Variants in RMND1 observed in about 807,000 individuals in gnomAD.
RMND1 encodes required for meiotic nuclear division 1 homolog, also known as required for meiotic nuclear division protein 1 homolog.
Under a neutral mutation model 54.0 loss-of-function variants are expected in RMND1, and 41 were observed. The observed-to-expected ratio is 0.76, with a 90% confidence interval of 0.59 to 0.98. RMND1 has a LOEUF of 0.98. RMND1 is among the 50% of genes least tolerant of loss of function. The pLI, the probability that RMND1 is intolerant of heterozygous loss-of-function variation, is 0.00. For missense variants in RMND1, 457 were observed against 532.0 expected, an observed-to-expected ratio of 0.86 and a Z score of 1.39; for synonymous variants, 183 against 181.7, an observed-to-expected ratio of 1.01 and a Z score of -0.06.
chr6:151,406,488 A>G (rs1779625596), intron 10 of RMND1, among the ~76,000 whole-genome samples: 1 of 151,892 alleles, frequency 6.6e-6, no homozygotes, highest in Non-Finnish European at 1.5e-5. Flanking sequence ...CAGCCTCCCA[A>G]ATAGCTGGGA....
At chr6:151,446,992 A>G (rs1780971294) in intron 1 of RMND1, among the ~76,000 whole-genome samples, 1 of 152,236 alleles carries the variant, frequency 6.6e-6, no homozygotes, top group South Asian at 2.1e-4. Flanking sequence ...CAATGATCTC[A>G]GAATTCAAAG....
chr6:151,424,202 T>G (rs1780229944), intron 6 of RMND1, among the ~76,000 whole-genome samples: 1 of 152,070 alleles, frequency 6.6e-6, no homozygotes. Context: ...GGCTCACGCC[T>G]GTAACCCCAG....
chr6:151,430,582 AT>A (rs1780423083), intron 4 of RMND1, among the ~76,000 whole-genome samples: 1 of 152,164 alleles, frequency 6.6e-6, no homozygotes, highest in African/African-American at 2.4e-5. Flanking sequence ...CTATGCCTGG[AT>A]TTTTGTGGAA....
intron 9 of RMND1, chr6:151,418,598 A>G (rs1455192020): frequency 6.6e-6 from 1 of 152,146 alleles, no homozygotes; most frequent in Non-Finnish European, 1.5e-5. Flanking sequence ...ATCAAGATAT[A>G]AACAGGTAAA....
At chr6:151,422,674 G>T in intron 7 of RMND1, 69 bp from the exon 8 acceptor site, 1 of 653,328 alleles carries the variant, frequency 1.5e-6, no homozygotes, top group Non-Finnish European at 2.6e-6. Flanking sequence ...ATACATAATT[G>T]CACAGCATCT....
intron 10 of RMND1, 59 bp downstream of exon 10, chr6:151,417,220 T>C (rs1780030661): frequency 6.5e-7 from 1 of 1,542,558 alleles, no homozygotes; most frequent in South Asian, 1.2e-5. Flanking sequence ...CAGTTAAACA[T>C]ATTCAACTTA....
At chr6:151,421,628 TAAAG>T (rs1780153286) in intron 8 of RMND1, among the ~76,000 whole-genome samples, 2 of 152,170 alleles carry the variant, frequency 1.3e-5, no homozygotes, top group Non-Finnish European at 2.9e-5. Context: ...TCTTTCACAA[TAAAG>T]ACACAGTTAA....
At chr6:151,434,843 G>A (rs1409294822) in intron 3 of RMND1, among the ~76,000 whole-genome samples, 1 of 152,044 alleles carries the variant, frequency 6.6e-6, no homozygotes, top group South Asian at 2.1e-4. Flanking sequence ...TTATCAAAAT[G>A]TTCTAAGTAA....
At chr6:151,449,454 C>G (rs535590456) in intron 1 of RMND1, among the ~76,000 whole-genome samples, 33 of 151,962 alleles carry the variant, frequency 2.2e-4, no homozygotes, top group Non-Finnish European at 4.4e-4. Context: ...TGACAGCACT[C>G]TCCTTTGCTT....
intron 2 of RMND1, among the ~76,000 whole-genome samples, chr6:151,443,167 C>T (rs1205146772): frequency 6.6e-6 from 1 of 151,998 alleles, no homozygotes; most frequent in African/African-American, 2.4e-5. Context: ...ATGGAGTGGC[C>T]CTCAATTTCG....
intron 2 of RMND1, among the ~76,000 whole-genome samples, chr6:151,440,145 C>T (rs1381186950): frequency 4.6e-5 from 7 of 152,212 alleles, no homozygotes; most frequent in East Asian, 3.9e-4. Flanking sequence ...TTAGTAGAGA[C>T]GGTGTTTCTT....
At chr6:151,447,315 C>T (rs867082802) in intron 1 of RMND1, among the ~76,000 whole-genome samples, 6 of 148,318 alleles carry the variant, frequency 4.0e-5, no homozygotes, top group Admixed American at 1.3e-4. Flanking sequence ...CGGTCAAATG[C>T]ATGTTCATGA....
intron 3 of RMND1, among the ~76,000 whole-genome samples, chr6:151,434,728 A>T (rs1235841278): frequency 1.3e-5 from 2 of 152,242 alleles, no homozygotes; most frequent in Non-Finnish European, 2.9e-5. Context: ...TTGAGTCTTA[A>T]GAATTTCCAC....
chr6:151,410,909 T>C (rs1486378839), intron 10 of RMND1, among the ~76,000 whole-genome samples: 2 of 152,232 alleles, frequency 1.3e-5, no homozygotes, highest in African/African-American at 4.8e-5. Context: ...AAGATCATAC[T>C]GCCTGTAAAT....
intron 6 of RMND1, among the ~76,000 whole-genome samples, chr6:151,426,109 C>T (rs1163647755): frequency 2.0e-5 from 3 of 151,938 alleles, no homozygotes; most frequent in African/African-American, 7.3e-5. Context: ...CCACTATGCC[C>T]GGGTAATTTT....
chr6:151,446,900 CAA>C lies in RMND1; in HGVS notation c.-14-1077_-14-1076del, dbSNP rs35099648. Reference sequence around the variant, plus strand: ...TGGGCGACAGAATGAGACTCTGTCTCAAAAAAAAAAAAAAGTTAGACCGTAGT... The same window carrying C: ...TGGGCGACAGAATGAGACTCTGTCTCAAAAAAAAAAAAGTTAGACCGTAGT... On this transcript the variant is annotated intron_variant, in intron 1 of 11. Coordinates refer to ENST00000444024, the MANE Select transcript of RMND1 (RefSeq NM_017909.4). Among the ~76,000 whole-genome samples, 100 of 135,288 alleles carry C rather than the reference CAA, an allele frequency of 7.4e-4. 2 individuals carry two copies. The highest frequency in any genetic ancestry group is 2.0e-3 in the African/African-American group (77 of 38,704). 88.8% of individuals were successfully genotyped at this position (135,288 alleles called of 152,430 possible).
At chr6:151,411,581 T>C (rs1779835054) in intron 10 of RMND1, 1 of 152,184 alleles carries the variant, frequency 6.6e-6, no homozygotes, top group Non-Finnish European at 1.5e-5. Context: ...AGCTGACCAC[T>C]TAGTTGTCAA....
intron 6 of RMND1, 51 bp downstream of exon 6, chr6:151,427,431 C>T (rs1352483254): frequency 9.2e-7 from 1 of 1,091,258 alleles, no homozygotes; most frequent in East Asian, 2.4e-5. Flanking sequence ...TATTGCTTTA[C>T]CTAATTTATT....
chr6:151,441,579 G>A (rs965251817), intron 2 of RMND1, among the ~76,000 whole-genome samples: 2 of 152,162 alleles, frequency 1.3e-5, no homozygotes, highest in African/African-American at 4.8e-5. Context: ...GGTGGACGGA[G>A]AGGGGCTGGA....
Sources: allele counts gnomAD v4.1 joint callset (sites outside exome capture counted in the v4.1 genomes callset), GRCh38; gene constraint gnomAD v4.1.1; transcripts MANE v1.5; gene names NCBI Gene and HGNC (gene_info 2026-07-23, HGNC 2026-07-21).